MARCHF4: variants seen among roughly 807,000 people sequenced by gnomAD.
The protein encoded by MARCHF4 is membrane associated ring-CH-type finger 4.
In MARCHF4, 14 loss-of-function variants were observed where a neutral mutation model predicts 43.9. That is an observed-to-expected ratio of 0.32 (90% confidence interval 0.21 to 0.50). MARCHF4 has a LOEUF of 0.50. Among genes scored for constraint, MARCHF4 ranks in the 20% least tolerant of loss-of-function variants. The probability of loss-of-function intolerance (pLI) is 0.98; values close to 1 mark genes in which losing one functional copy is unlikely to be tolerated. For synonymous variants in MARCHF4, 226 were observed against 213.3 expected, an observed-to-expected ratio of 1.06 and a Z score of -0.52; for missense variants, 468 against 536.7, an observed-to-expected ratio of 0.87 and a Z score of 1.27.
chr2:216,338,261 C>T (rs1692186774), intron 1 of MARCHF4, among the ~76,000 whole-genome samples: 1 of 152,170 alleles, frequency 6.6e-6, no homozygotes, highest in African/African-American at 2.4e-5. Context: ...TGTGGTCACT[C>T]CTTGCCTTGT....
At chr2:216,276,829 G>A (rs1254218944) in intron 3 of MARCHF4, among the ~76,000 whole-genome samples, 1 of 152,106 alleles carries the variant, frequency 6.6e-6, no homozygotes, top group African/African-American at 2.4e-5. Context: ...TATCTTCAGA[G>A]TCAACAGCCA....
chr2:216,355,268 G>A (rs574539273), intron 1 of MARCHF4, among the ~76,000 whole-genome samples: 5 of 152,032 alleles, frequency 3.3e-5, no homozygotes, highest in Non-Finnish European at 2.9e-5. Context: ...CACTGCGCCC[G>A]GCCCTAATAC....
chr2:216,290,600 C>T (rs1407546436), intron 1 of MARCHF4, among the ~76,000 whole-genome samples: 2 of 152,090 alleles, frequency 1.3e-5, no homozygotes, highest in Non-Finnish European at 2.9e-5. Context: ...ACTGGCTGCT[C>T]TATTGTAAAC....
chr2:216,361,781 G>T (rs1192494361), intron 1 of MARCHF4, among the ~76,000 whole-genome samples: 1 of 152,170 alleles, frequency 6.6e-6, no homozygotes, highest in Non-Finnish European at 1.5e-5. Context: ...TTAGACATCT[G>T]ATTTTTTAAA....
chr2:216,370,781 A>G lies in MARCHF4; in HGVS notation c.-521T>C, dbSNP rs1042264430. On this transcript the variant is annotated 5_prime_UTR_variant, in exon 1 of 4. Coordinates refer to ENST00000273067, the MANE Select transcript of MARCHF4 (RefSeq NM_020814.3). The stretch of plus-strand genomic sequence containing the variant: ...GATTGAGCTGGGCTTAGAGAAAACT[A>G]GCTCAATGAAGAATTGAGGACTGCA... 3 of 152,470 alleles carry G rather than the reference A, an allele frequency of 2.0e-5. No individual in the cohort carries two copies. The highest frequency in any genetic ancestry group is 7.2e-5 in the African/African-American group (3 of 41,458). The allele number at this position is 152,470 out of a possible 1,614,324, so 9.4% of individuals were successfully genotyped here.
intron 1 of MARCHF4, among the ~76,000 whole-genome samples, chr2:216,369,395 T>G (rs1327857540): frequency 6.6e-6 from 1 of 152,236 alleles, no homozygotes; most frequent in Non-Finnish European, 1.5e-5. Context: ...ACAAGTTAGA[T>G]AAAAGGATAT....
At chr2:216,369,661 C>T (rs569622977) in intron 1 of MARCHF4, 84 bp downstream of exon 1, 8 of 1,131,076 alleles carry the variant, frequency 7.1e-6, no homozygotes, top group African/African-American at 3.1e-5. Flanking sequence ...ACAATATAAC[C>T]GTTCCCCAGG....
intron 1 of MARCHF4, among the ~76,000 whole-genome samples, chr2:216,361,319 G>A (rs1692575042): frequency 6.6e-6 from 1 of 152,086 alleles, no homozygotes; most frequent in African/African-American, 2.4e-5. Context: ...CTTACCTGGG[G>A]ATCAACGTTA....
intron 1 of MARCHF4, among the ~76,000 whole-genome samples, chr2:216,337,259 A>G (rs541395201): frequency 6.6e-6 from 1 of 152,348 alleles, no homozygotes; most frequent in Admixed American, 6.5e-5. Context: ...AATATTAAAG[A>G]CAAGTAAAAA....
intron 1 of MARCHF4, among the ~76,000 whole-genome samples, chr2:216,324,104 T>A (rs1301382914): frequency 6.8e-6 from 1 of 147,866 alleles, no homozygotes; most frequent in Non-Finnish European, 1.5e-5. Flanking sequence ...AAGAATCAAA[T>A]AGACGCAATA....
At chr2:216,267,686 A>G (rs1690867951) in intron 3 of MARCHF4, among the ~76,000 whole-genome samples, 1 of 152,208 alleles carries the variant, frequency 6.6e-6, no homozygotes, top group Admixed American at 6.5e-5. Flanking sequence ...ATTGTCCCCA[A>G]AATGTATTAG....
At chr2:216,325,225 A>G (rs1463573461) in intron 1 of MARCHF4, among the ~76,000 whole-genome samples, 2 of 152,248 alleles carry the variant, frequency 1.3e-5, no homozygotes, top group Non-Finnish European at 2.9e-5. Flanking sequence ...ATTGCTTCAA[A>G]GAGAATAAAA....
At chr2:216,315,122 A>G (rs1041344804) in intron 1 of MARCHF4, among the ~76,000 whole-genome samples, 3 of 152,246 alleles carry the variant, frequency 2.0e-5, no homozygotes, top group Admixed American at 6.5e-5. Flanking sequence ...AAAGAAGGGG[A>G]AAAAGGTCAA....
intron 1 of MARCHF4, among the ~76,000 whole-genome samples, chr2:216,320,690 A>G (rs1486722144): frequency 1.2e-5 from 1 of 82,380 alleles, no homozygotes; most frequent in Non-Finnish European, 2.3e-5. Flanking sequence ...TTTTTTTTTG[A>G]GATGGAGTCC....
chr2:216,259,732 C>T (rs748500156), intron 3 of MARCHF4, 53 bp from the exon 4 acceptor site: 73 of 1,551,172 alleles, frequency 4.7e-5, no homozygotes, highest in Middle Eastern at 2.0e-4. Context: ...AAGTGGGTCA[C>T]GGCCAGGAGA....
Position 216,370,510 on chromosome 2 carries a change from C to T in MARCHF4, c.-250G>A. 2.4e-6 allele frequency: 1 copy of T among 417,456 alleles called. No individual in the cohort carries two copies. Among genetic ancestry groups the T allele is most frequent in the Non-Finnish European group, 4.3e-6 (1 of 234,978 alleles). 25.9% of individuals were successfully genotyped at this position (417,456 alleles called of 1,614,324 possible). A position where few individuals can be genotyped will look rare whatever the true frequency, so the allele number is the denominator to read the frequency against. ...TTTTCTTGCCCTCACACACCCACCC[C>T]AACCTCCAACTTTGTTCAGTGTGTC... On this transcript the variant is annotated 5_prime_UTR_variant, in exon 1 of 4. Coordinates refer to ENST00000273067, the MANE Select transcript of MARCHF4 (RefSeq NM_020814.3).
intron 1 of MARCHF4, among the ~76,000 whole-genome samples, chr2:216,336,741 T>TAAAA (rs779932039): frequency 5.7e-4 from 31 of 54,110 alleles, no homozygotes; most frequent in Non-Finnish European, 8.8e-4. Context: ...GCAAATAGAT[T>TAAAA]TAAAAAAAAA....
intron 1 of MARCHF4, among the ~76,000 whole-genome samples, chr2:216,297,644 G>A (rs1691418521): frequency 6.6e-6 from 1 of 152,194 alleles, no homozygotes; most frequent in Non-Finnish European, 1.5e-5. Flanking sequence ...CTCCCACGTA[G>A]CTGGGATTAC....
At chr2:216,302,128 T>C (rs1691500699) in intron 1 of MARCHF4, among the ~76,000 whole-genome samples, 1 of 152,236 alleles carries the variant, frequency 6.6e-6, no homozygotes, top group South Asian at 2.1e-4. Context: ...AAACTCTACT[T>C]CATTAATACT....
Sources: allele counts gnomAD v4.1 joint callset (sites outside exome capture counted in the v4.1 genomes callset), GRCh38; gene constraint gnomAD v4.1.1; transcripts MANE v1.5; gene names NCBI Gene and HGNC (gene_info 2026-07-23, HGNC 2026-07-21).